ITFG1: variants seen among roughly 807,000 people sequenced by gnomAD.
ITFG1 encodes the protein T-cell immunomodulatory protein.
In ITFG1, 34 loss-of-function variants were observed where a neutral mutation model predicts 81.8. The observed-to-expected ratio is 0.42, with a 90% CI of 0.32 to 0.55. ITFG1 has a LOEUF of 0.55. Among genes scored for constraint, ITFG1 ranks in the 20% least tolerant of loss-of-function variants. ITFG1 has a pLI of 0.17. For missense variants in ITFG1, 672 were observed against 755.4 expected, an observed-to-expected ratio of 0.89 and a Z score of 1.29; for synonymous variants, 285 against 270.6, an observed-to-expected ratio of 1.05 and a Z score of -0.52.
At chr16:47,308,967 G>A (rs972407828) in intron 10 of ITFG1, among the ~76,000 whole-genome samples, 4 of 152,030 alleles carry the variant, frequency 2.6e-5, no homozygotes, top group African/African-American at 9.7e-5. Context: ...TGAAGACTAG[G>A]AGTCACATTC....
intron 8 of ITFG1, among the ~76,000 whole-genome samples, chr16:47,348,920 A>G (rs1348338320): frequency 6.6e-6 from 1 of 152,216 alleles, no homozygotes; most frequent in African/African-American, 2.4e-5. Flanking sequence ...ATTCTTAAAG[A>G]AAAGAATTTT....
intron 6 of ITFG1, among the ~76,000 whole-genome samples, chr16:47,422,324 T>C (rs1183218310): frequency 1.3e-5 from 2 of 152,184 alleles, no homozygotes; most frequent in Non-Finnish European, 2.9e-5. Flanking sequence ...TTTCTCCACA[T>C]CCTCTCCAGC....
At chr16:47,172,349 G>A (rs540319788) in intron 14 of ITFG1, among the ~76,000 whole-genome samples, 14 of 152,262 alleles carry the variant, frequency 9.2e-5, no homozygotes, top group African/African-American at 3.1e-4. Flanking sequence ...TTAGCCAGGC[G>A]TGGTGGCGCA....
chr16:47,365,910 C>G (rs201992506), intron 7 of ITFG1, 41 bp from the exon 8 acceptor site: 518 of 1,033,720 alleles, frequency 5.0e-4, no homozygotes, highest in Admixed American at 1.7e-3. Flanking sequence ...CATCTTAATC[C>G]ACTCATTTGT....
At chr16:47,238,767 G>C (rs919765343) in intron 12 of ITFG1, among the ~76,000 whole-genome samples, 2 of 152,046 alleles carry the variant, frequency 1.3e-5, no homozygotes, top group African/African-American at 4.8e-5. Flanking sequence ...ATGAATATTT[G>C]TCTGTAGATT....
intron 8 of ITFG1, among the ~76,000 whole-genome samples, chr16:47,330,370 G>A (rs1197172847): frequency 6.6e-6 from 1 of 151,938 alleles, no homozygotes; most frequent in Non-Finnish European, 1.5e-5. Context: ...TACTCTTTGG[G>A]ACATGTCCCT....
At chr16:47,336,477 C>T (rs1181421361) in intron 8 of ITFG1, among the ~76,000 whole-genome samples, 5 of 152,146 alleles carry the variant, frequency 3.3e-5, no homozygotes, top group Non-Finnish European at 7.4e-5. Flanking sequence ...TCTGTTCTAA[C>T]GTGTCTAGGG....
At chr16:47,294,699 AT>A (rs1267237126) in intron 10 of ITFG1, among the ~76,000 whole-genome samples, 1 of 152,008 alleles carries the variant, frequency 6.6e-6, no homozygotes, top group Non-Finnish European at 1.5e-5. Context: ...AGAGTTTTGT[AT>A]GTTGATTTTG....
rs1049301105 is a variant in ITFG1 at position 47,182,186 on chromosome 16, AAAAAAAAC to A, written c.1454-19530_1454-19523del. Among the ~76,000 whole-genome samples, 8 of 152,210 alleles carry A rather than the reference AAAAAAAAC, an allele frequency of 5.3e-5. No homozygotes were observed. The East Asian group carries it at 7.7e-4, about 15-fold the overall frequency. ...CATCCAAGAATGATCAATTAAAAAA[AAAAAAAAC>A]AAAAAAACAGGGAAATTCAGAAGAA... On this transcript the variant is annotated intron_variant, in intron 14 of 17. Transcript: ENST00000320640.
chr16:47,233,241 A>G (rs1965836232), intron 13 of ITFG1, among the ~76,000 whole-genome samples: 1 of 152,268 alleles, frequency 6.6e-6, no homozygotes, highest in Admixed American at 6.5e-5. Flanking sequence ...CTAAGGTCAC[A>G]GGACAAACTG....
At chr16:47,217,018 T>C (rs139972675) in intron 14 of ITFG1, among the ~76,000 whole-genome samples, 2 of 152,206 alleles carry the variant, frequency 1.3e-5, no homozygotes, top group African/African-American at 4.8e-5. Flanking sequence ...TGTTGTATTA[T>C]AGTAAAACAA....
intron 5 of ITFG1, among the ~76,000 whole-genome samples, chr16:47,439,618 T>C: frequency 6.6e-6 from 1 of 152,122 alleles, no homozygotes; most frequent in Middle Eastern, 3.2e-3. Context: ...TAAAATACTT[T>C]ACAGACAAGC....
intron 8 of ITFG1, among the ~76,000 whole-genome samples, chr16:47,330,547 G>A (rs562174764): frequency 6.6e-6 from 1 of 152,182 alleles, no homozygotes; most frequent in South Asian, 2.1e-4. Context: ...ACAACCTATA[G>A]AATGGGAGAA....
At chr16:47,341,281 A>AAATG (rs1390853566) in intron 8 of ITFG1, among the ~76,000 whole-genome samples, 1 of 150,880 alleles carries the variant, frequency 6.6e-6, no homozygotes, top group Non-Finnish European at 1.5e-5. Context: ...ATAAATAAAT[A>AAATG]AATAATAAAA....
intron 8 of ITFG1, among the ~76,000 whole-genome samples, chr16:47,323,742 G>T (rs1967485097): frequency 6.6e-6 from 1 of 152,076 alleles, no homozygotes; most frequent in East Asian, 1.9e-4. Context: ...CAGTGAGTTG[G>T]GGTAGTAATG....
chr16:47,208,576 C>T (rs747311340), intron 14 of ITFG1, among the ~76,000 whole-genome samples: 7 of 152,268 alleles, frequency 4.6e-5, no homozygotes, highest in East Asian at 1.9e-4. Context: ...TTAATTGTAT[C>T]GCTTTTATCT....
chr16:47,403,105 T>G (rs1459269567), intron 6 of ITFG1, among the ~76,000 whole-genome samples: 3 of 152,198 alleles, frequency 2.0e-5, no homozygotes, highest in African/African-American at 7.2e-5. Context: ...ACTTGACAAA[T>G]TTTTTTAAAA....
At chr16:47,285,630 C>A (rs1966866894) in intron 10 of ITFG1, among the ~76,000 whole-genome samples, 1 of 151,998 alleles carries the variant, frequency 6.6e-6, no homozygotes, top group Non-Finnish European at 1.5e-5. Flanking sequence ...TAGAGGACAC[C>A]CAGCTGGTGT....
At chr16:47,234,072 T>C (rs1338938160) in intron 13 of ITFG1, among the ~76,000 whole-genome samples, 1 of 152,030 alleles carries the variant, frequency 6.6e-6, no homozygotes, top group African/African-American at 2.4e-5. Context: ...GCTTAATACA[T>C]CATATCCAGC....
Sources: gnomAD v4.1 joint callset for allele counts (sites outside exome capture counted in the v4.1 genomes callset) on GRCh38, gnomAD v4.1.1 for gene constraint, MANE v1.5 for transcripts, NCBI Gene and HGNC (gene_info 2026-07-23, HGNC 2026-07-21) for gene names.